The following KIF27 variants were observed in gnomAD, a reference collection of about 807,000 sequenced individuals.
KIF27 encodes kinesin-like protein KIF27.
KIF27 carries 84 observed loss-of-function variants against 141.8 expected under a neutral mutation model. The ratio of observed to expected loss-of-function variants is 0.59; its 90% CI spans 0.50 to 0.71. The LOEUF is 0.71. Among genes scored for constraint, KIF27 ranks in the 30% least tolerant of loss-of-function variants. The probability of loss-of-function intolerance (pLI) is 0.00; values close to 1 mark genes in which losing one functional copy is unlikely to be tolerated. For missense variants in KIF27, 1,306 were observed against 1,628.4 expected (o/e 0.80, Z 3.41); for synonymous variants, 471 against 569.5 (o/e 0.83, Z 2.46).
At chr9:83,845,250 A>C (rs2131548823) in intron 16 of KIF27, among the ~76,000 whole-genome samples, 1 of 152,280 alleles carries the variant, frequency 6.6e-6, no homozygotes, top group African/African-American at 2.4e-5. Context: ...GCTTTGGTGG[A>C]AACTGAACGT....
intron 11 of KIF27, among the ~76,000 whole-genome samples, chr9:83,875,620 T>G (rs922101881): frequency 4.0e-5 from 6 of 151,206 alleles, no homozygotes; most frequent in Non-Finnish European, 8.8e-5. Context: ...ACCGGTGGAG[T>G]AGGATGAGCT....
At chr9:83,853,571 G>A (rs1324798665) in intron 15 of KIF27, 58 bp downstream of exon 15, 17 of 1,123,794 alleles carry the variant, frequency 1.5e-5, no homozygotes, top group Non-Finnish European at 2.3e-5. Context: ...ATAAATATAG[G>A]ATGTAAGCAT....
rs369779677 is a variant in KIF27, at chr9:83,916,048, GTTTT to G, written c.-87-374_-87-371del. ...GAGATAAGTAAGGAACTGTACACAC[GTTTT>G]TTTGTTTTTTGAGATGGAGTCTAGG... On this transcript the variant is annotated intron_variant, in intron 1 of 17. Transcript: ENST00000297814. Among the ~76,000 whole-genome samples the G allele has an allele frequency of 3.6e-4, 54 of 152,100 alleles. 2 individuals are homozygous for G. In the South Asian group the frequency reaches 0.011, roughly 30 times the overall value.
At chr9:83,851,470 G>C (rs1306860579) in intron 15 of KIF27, among the ~76,000 whole-genome samples, 1 of 152,064 alleles carries the variant, frequency 6.6e-6, no homozygotes, top group African/African-American at 2.4e-5. Flanking sequence ...TCCCACCTCA[G>C]CCTCCCACAT....
intron 4 of KIF27, among the ~76,000 whole-genome samples, chr9:83,901,767 G>C (rs1953921567): frequency 1.3e-5 from 2 of 152,254 alleles, no homozygotes; most frequent in Admixed American, 1.3e-4. Context: ...CAGATACTCG[G>C]GAGGCTGAGG....
rs1564284469 is a variant in KIF27 at position 83,848,146 on chromosome 9, CTG to C, written c.3556+1951_3556+1952del. Among the ~76,000 whole-genome samples, 41 of 44,756 alleles carry C rather than the reference CTG, an allele frequency of 9.2e-4. 7 individuals are homozygous for C. Among genetic ancestry groups the C allele is most frequent in the Non-Finnish European group, 1.1e-3 (26 of 24,472 alleles). The allele number at this position is 44,756 out of a possible 152,430, so 29.4% of individuals were successfully genotyped here. A position where few individuals can be genotyped will look rare whatever the true frequency, so the allele number is the denominator to read the frequency against. On this transcript the variant is annotated intron_variant, in intron 16 of 17. Coordinates refer to ENST00000297814, the MANE Select transcript of KIF27 (RefSeq NM_017576.4). ...ATCTGATATCTCATATATGATATAT[CTG>C]ATATATCATATATGATATATCTGAT...
chr9:83,842,276 C>T lies in KIF27; in HGVS notation c.3682G>A (p.Val1228Ile), dbSNP rs1390923807. 3.8e-6 allele frequency: 6 copies of T among 1,566,960 alleles called. No individual in the cohort carries two copies. Among genetic ancestry groups the T allele is most frequent in the African/African-American group, 2.8e-5 (2 of 71,782 alleles). ...RDHKKKLKEL[V>I]GEAIRRQLAP... ...AGTTGCCGCCGAATTGCTTCCCCTA[C>T]CAGTTCCTTAAGTTTCTTCTTATGA... The change falls in exon 17 of 18, where the codon GTA becomes ATA. Residue 1228 changes from valine (V) to isoleucine (I), a missense_variant. Coordinates refer to ENST00000297814, the MANE Select transcript of KIF27 (RefSeq NM_017576.4).
chr9:83,873,145 C>G (rs1030172863), intron 11 of KIF27, among the ~76,000 whole-genome samples: 1 of 152,134 alleles, frequency 6.6e-6, no homozygotes, highest in Non-Finnish European at 1.5e-5. Flanking sequence ...GGAAAGCACC[C>G]CCATGCTCTA....
chr9:83,870,548 C>A lies in KIF27; in HGVS notation c.2728G>T (p.Gly910Cys), dbSNP rs1369860696. The A allele has an allele frequency of 9.3e-6, 15 of 1,613,686 alleles. No homozygotes were observed. In the Admixed American group the frequency reaches 2.2e-4, roughly 23 times the overall value. Residue 910 changes from glycine to cysteine, a missense_variant, in exon 12 of 18, where the codon GGT (glycine) becomes TGT (cysteine). Coordinates refer to ENST00000297814, the MANE Select transcript of KIF27 (RefSeq NM_017576.4). ...LDACNLKRRK[G>C]SFGSIDHLQK... ...AGATGGTCTATACTTCCAAACGAAC[C>A]TTTTCTCCTTTTCAAGTTACATGCA...
At chr9:83,913,380 G>C (rs1365751755) in intron 2 of KIF27, among the ~76,000 whole-genome samples, 1 of 152,118 alleles carries the variant, frequency 6.6e-6, no homozygotes, top group African/African-American at 2.4e-5. Context: ...CCCAGAATTG[G>C]TGTCCTATAG....
intron 13 of KIF27, among the ~76,000 whole-genome samples, chr9:83,865,486 A>G (rs1172734985): frequency 6.6e-5 from 10 of 152,198 alleles, no homozygotes; most frequent in Non-Finnish European, 1.3e-4. Context: ...TAGAAGAGAC[A>G]GGGTTTCACC....
chr9:83,909,336 C>T (rs578099334), intron 2 of KIF27, among the ~76,000 whole-genome samples: 3 of 152,208 alleles, frequency 2.0e-5, no homozygotes, highest in East Asian at 1.9e-4. Context: ...AGAGGCCAAG[C>T]GCAGTGGCTC....
chr9:83,863,409 C>A (rs1469201612), intron 13 of KIF27, among the ~76,000 whole-genome samples: 2 of 152,070 alleles, frequency 1.3e-5, no homozygotes, highest in African/African-American at 4.8e-5. Context: ...TTGTCAAAGG[C>A]CTTTTCTGCA....
chr9:83,862,882 A>G (rs900552842), intron 13 of KIF27, among the ~76,000 whole-genome samples: 13 of 151,954 alleles, frequency 8.6e-5, no homozygotes, highest in Non-Finnish European at 1.9e-4. Flanking sequence ...CCTTGAAGAG[A>G]TCCTTCACAT....
At chr9:83,896,121 T>TA (rs1201965774) in intron 5 of KIF27, among the ~76,000 whole-genome samples, 9 of 150,050 alleles carry the variant, frequency 6.0e-5, no homozygotes, top group African/African-American at 2.2e-4. Flanking sequence ...CGGGTGCCTG[T>TA]AATCCCAGCT....
intron 11 of KIF27, among the ~76,000 whole-genome samples, chr9:83,878,770 CA>C (rs1313887050): frequency 6.6e-6 from 1 of 151,982 alleles, no homozygotes; most frequent in East Asian, 1.9e-4. Context: ...GGAGCTATTC[CA>C]TAATATTACA....
intron 17 of KIF27, among the ~76,000 whole-genome samples, chr9:83,838,476 C>G (rs1946174892): frequency 6.6e-6 from 1 of 152,150 alleles, no homozygotes; most frequent in Non-Finnish European, 1.5e-5. Context: ...CTCAGGTGAT[C>G]CGCCTGCCTT....
At chr9:83,913,726 C>G (rs1430295586) in intron 2 of KIF27, among the ~76,000 whole-genome samples, 1 of 152,172 alleles carries the variant, frequency 6.6e-6, no homozygotes, top group Non-Finnish European at 1.5e-5. Flanking sequence ...CGTGAGCCAC[C>G]ACGCCTGGTC....
At chr9:83,920,826 T>A (rs1304184509) in intron 1 of KIF27, among the ~76,000 whole-genome samples, 1 of 140,378 alleles carries the variant, frequency 7.1e-6, no homozygotes, top group Middle Eastern at 3.6e-3. Flanking sequence ...GTTCAACCTC[T>A]ACGGTAGGAA....
Sources: allele counts gnomAD v4.1 joint callset (sites outside exome capture counted in the v4.1 genomes callset), GRCh38; gene constraint gnomAD v4.1.1; transcripts MANE v1.5; gene names NCBI Gene and HGNC (gene_info 2026-07-23, HGNC 2026-07-21).